ZNF862: variants seen among roughly 807,000 people sequenced by gnomAD.
ZNF862 encodes the protein zinc finger protein 862.
A neutral mutation model predicts 91.1 loss-of-function variants in ZNF862; 64 were observed. That is an observed-to-expected ratio of 0.70 (90% confidence interval 0.57 to 0.87). ZNF862 has a LOEUF of 0.87. Ranked by LOEUF, ZNF862 falls within the 40% of genes least tolerant of loss-of-function variation. ZNF862 has a pLI of 0.00. For missense variants in ZNF862, 1,459 were observed against 1,528.0 expected (o/e 0.95, Z 0.75); for synonymous variants, 631 against 618.1 (o/e 1.02, Z -0.31).
chr7:149,859,579 T>G, intron 6 of ZNF862, 53 bp downstream of exon 6: 6 of 1,423,292 alleles, frequency 4.2e-6, no homozygotes, highest in Non-Finnish European at 5.7e-6. Context: ...CCCAGGCGGC[T>G]ATGATGAGTC....
At position 149,864,123 on chromosome 7, in the gene ZNF862, A is replaced by G. The variant is rs1178046726; in HGVS notation, c.3349A>G (p.Lys1117Glu). 6 of 1,584,836 alleles carry G rather than the reference A, an allele frequency of 3.8e-6. No homozygotes were observed. The South Asian group carries it at 5.8e-5, about 15-fold the overall frequency. Reference protein sequence around the residue: ...ARSPASARLRKEEMGALYVEE... With the variant: ...ARSPASARLREEEMGALYVEE... ...CTCCCTCACAGGCGCCAGGCTCAGG[A>G]AGGAGGAGATGGGAGCCCTCTATGT... Residue 1117 changes from lysine (K) to glutamate (E), a missense_variant, in exon 8 of 8, where the codon AAG becomes GAG. Lys to Glu is a moderately conservative substitution (Grantham distance 56). Transcript: ENST00000223210.
At chr7:149,848,472 G>A (rs1241981040) in intron 4 of ZNF862, 40 bp downstream of exon 4, 3 of 1,413,650 alleles carry the variant, frequency 2.1e-6, no homozygotes, top group Non-Finnish European at 2.8e-6. Context: ...TACAGAGAAG[G>A]ATTCTATACT....
chr7:149,849,330 C>A (rs1801983835), intron 4 of ZNF862, among the ~76,000 whole-genome samples: 1 of 152,164 alleles, frequency 6.6e-6, no homozygotes, highest in African/African-American at 2.4e-5. Flanking sequence ...GAGCTGCCAG[C>A]CCATGCTTTC....
rs529657211 is a variant in ZNF862, at chr7:149,850,347, G to A, written c.1117+9G>A. ...GCTGTTGGCATCCTTGGGTAAAGACGCACCGAGCCTCTTATTCACCACCCT... is the reference window on the plus strand; with the variant it reads ...GCTGTTGGCATCCTTGGGTAAAGACACACCGAGCCTCTTATTCACCACCCT... On this transcript the variant is annotated intron_variant, in intron 5 of 7. Transcript: ENST00000223210. The surrounding 1 kb of genome is among the most constrained non-coding windows in gnomAD (Gnocchi z 4.2). 3 of 1,602,958 alleles carry A rather than the reference G, an allele frequency of 1.9e-6. No individual in the cohort carries two copies. Among genetic ancestry groups the A allele is most frequent in the African/African-American group, 1.3e-5 (1 of 74,900 alleles).
chr7:149,853,670 G>T (rs1292573193), intron 5 of ZNF862, among the ~76,000 whole-genome samples: 1 of 152,172 alleles, frequency 6.6e-6, no homozygotes, highest in Non-Finnish European at 1.5e-5. Flanking sequence ...GGGTGCGGTG[G>T]CTCACGCCTG....
At chr7:149,863,518 C>A (rs1458051105) in intron 7 of ZNF862, among the ~76,000 whole-genome samples, 1 of 152,150 alleles carries the variant, frequency 6.6e-6, no homozygotes, top group Admixed American at 6.5e-5. Context: ...AAAAGAGACC[C>A]CTCACTGATA....
At position 149,849,290 on chromosome 7, in the gene ZNF862, T is replaced by C. The variant is rs1191394294; in HGVS notation, c.939+858T>C. Among the ~76,000 whole-genome samples, 3 of 152,164 alleles carry C rather than the reference T, an allele frequency of 2.0e-5. No individual in the cohort carries two copies. In the East Asian group the frequency reaches 5.8e-4, roughly 29 times the overall value. On this transcript the variant is annotated intron_variant, in intron 4 of 7. Coordinates refer to ENST00000223210, the MANE Select transcript of ZNF862 (RefSeq NM_001099220.3). ...CATGTCCAGGGTCCTAGAGCTCTTG[T>C]AGTCAGTGCCAGAATCTGCCCAGAG...
In ZNF862 at chr7:149,845,073, C is replaced by G. The variant is rs1042226652; in HGVS notation, c.136+337C>G. The G allele has an allele frequency of 3.2e-5, 8 of 251,642 alleles. No individual in the cohort carries two copies. The East Asian group carries it at 9.2e-4, about 29-fold the overall frequency. 15.6% of individuals were successfully genotyped at this position (251,642 alleles called of 1,614,324 possible). ...GTGGATCTGTGGAGCCCGTAGGACA[C>G]TGGAGGTAGGAAGCAGTGGTGGCAA... is the stretch of plus-strand genomic sequence containing the variant. On this transcript the variant is annotated intron_variant, in intron 2 of 7. Coordinates refer to ENST00000223210, the MANE Select transcript of ZNF862 (RefSeq NM_001099220.3).
At chr7:149,856,916 T>G (rs1228146192) in intron 5 of ZNF862, among the ~76,000 whole-genome samples, 1 of 152,246 alleles carries the variant, frequency 6.6e-6, no homozygotes, top group Non-Finnish European at 1.5e-5. Context: ...TTTGGGCATA[T>G]AGGATTCTAG....
Position 149,848,384 on chromosome 7 carries a change from C to T in ZNF862, c.891C>T (p.Ser297=). The change falls in exon 4 of 8, where the codon TCC becomes TCT. Residue 297 remains serine, a synonymous_variant. Coordinates refer to ENST00000223210, the MANE Select transcript of ZNF862 (RefSeq NM_001099220.3). ...QKEITDGIHS[S]SDINILYNDA... is the part of the protein sequence containing the mutation. ...AAATCACTGATGGCATCCACAGCTC[C>T]TCAGACATTAATATTTTATATAATG... The T allele has an allele frequency of 6.3e-7, 1 of 1,594,604 alleles. No homozygotes were observed. The highest frequency in any genetic ancestry group is 8.5e-7 in the Non-Finnish European group (1 of 1,170,174).
At position 149,846,070 on chromosome 7, in the gene ZNF862, C is replaced by G. The variant is rs967602741; in HGVS notation, c.137-81C>G. 3 of 976,724 alleles carry G rather than the reference C, an allele frequency of 3.1e-6. No homozygotes were observed. The East Asian group carries it at 7.8e-5, about 25-fold the overall frequency. 60.5% of individuals were successfully genotyped at this position (976,724 alleles called of 1,614,324 possible). A position where few individuals can be genotyped will look rare whatever the true frequency, so the allele number is the denominator to read the frequency against. On this transcript the variant is annotated intron_variant, in intron 2 of 7. Coordinates refer to ENST00000223210, the MANE Select transcript of ZNF862 (RefSeq NM_001099220.3). ...GCCGAGAGATGTCGCAGACAGATACCTCCTTCGTGTTGTGACCCGGAGCCA... is the reference window on the plus strand; with the variant it reads ...GCCGAGAGATGTCGCAGACAGATACGTCCTTCGTGTTGTGACCCGGAGCCA...
chr7:149,866,375 A>G lies in ZNF862; in HGVS notation c.*2091A>G, dbSNP rs1396386272. 6.6e-6 allele frequency: 1 copy of G among 152,226 alleles called. No individual in the cohort carries two copies. Among genetic ancestry groups the G allele is most frequent in the East Asian group, 1.9e-4 (1 of 5,194 alleles). The allele number at this position is 152,226 out of a possible 1,614,324, so 9.4% of individuals were successfully genotyped here. On this transcript the variant is annotated 3_prime_UTR_variant, in exon 8 of 8. Transcript: ENST00000223210. ...TGTGAACTCGTGGAAAGGGAGGGAG[A>G]AAGGCTTTTTTAGGTGGGGCTATAG...
intron 5 of ZNF862, among the ~76,000 whole-genome samples, chr7:149,854,305 AAGAC>A (rs1265547629): frequency 6.6e-6 from 1 of 152,210 alleles, no homozygotes; most frequent in Non-Finnish European, 1.5e-5. Context: ...GATCAAAAAA[AAGAC>A]AGAGAAAGGC....
intron 5 of ZNF862, among the ~76,000 whole-genome samples, chr7:149,853,818 G>A (rs1487654530): frequency 6.6e-6 from 1 of 151,646 alleles, no homozygotes; most frequent in Non-Finnish European, 1.5e-5. Flanking sequence ...CACACCCTTA[G>A]TTCCAGCTAC....
rs530929850 is a variant in ZNF862 at position 149,863,069 on chromosome 7, C to T, written c.3334+575C>T. ...GATGGTGGGGCTTTCAGGCAGAAAT[C>T]TCACGGGGCAGGGGAGAACAGAAAC... On this transcript the variant is annotated intron_variant, in intron 7 of 7. Coordinates refer to ENST00000223210, the MANE Select transcript of ZNF862 (RefSeq NM_001099220.3). 4.8e-3 allele frequency among the ~76,000 whole-genome samples: 725 copies of T among 152,260 alleles called. 5 individuals carry two copies. Among genetic ancestry groups the T allele is most frequent in the African/African-American group, 0.016 (683 of 41,540 alleles).
In ZNF862 at chr7:149,866,546, G is replaced by T. The variant is rs1802733764; in HGVS notation, c.*2262G>T. 1 of 152,164 alleles carries T rather than the reference G, an allele frequency of 6.6e-6. No individual in the cohort carries two copies. 9.4% of individuals were successfully genotyped at this position (152,164 alleles called of 1,614,324 possible). Reference sequence around the variant, plus strand: ...GTGGGTCTCTGTGGGAGTAGTTCTGGAGCTGAGGTGGAAGCTAGGGGAAGC... The same window carrying T: ...GTGGGTCTCTGTGGGAGTAGTTCTGTAGCTGAGGTGGAAGCTAGGGGAAGC... On this transcript the variant is annotated 3_prime_UTR_variant, in exon 8 of 8. Coordinates refer to ENST00000223210, the MANE Select transcript of ZNF862 (RefSeq NM_001099220.3).
Position 149,867,171 on chromosome 7 carries a change from A to G in ZNF862, c.*2887A>G, listed in dbSNP as rs1802762266. ...AACTGGTAGTTTGATCCCAATAGCC[A>G]TAGCGACTCCAGGTGGGAGTGAGGG... On this transcript the variant is annotated 3_prime_UTR_variant, in exon 8 of 8. Coordinates refer to ENST00000223210, the MANE Select transcript of ZNF862 (RefSeq NM_001099220.3). 1 of 152,246 alleles carries G rather than the reference A, an allele frequency of 6.6e-6. No homozygotes were observed. The highest frequency in any genetic ancestry group is 1.5e-5 in the Non-Finnish European group (1 of 68,068). 9.4% of individuals were successfully genotyped at this position (152,246 alleles called of 1,614,324 possible). A position where few individuals can be genotyped will look rare whatever the true frequency, so the allele number is the denominator to read the frequency against.
intron 6 of ZNF862, chr7:149,859,776 T>C: frequency 2.1e-6 from 1 of 472,260 alleles, no homozygotes; most frequent in Non-Finnish European, 3.8e-6. Context: ...GTGGCAGAGC[T>C]GGTGGGAGCA....
chr7:149,859,588 T>C (rs1181984028), intron 6 of ZNF862, 62 bp downstream of exon 6: 1 of 1,333,882 alleles, frequency 7.5e-7, no homozygotes, highest in African/African-American at 1.5e-5. Context: ...CTATGATGAG[T>C]CAAACAGCAT....
Sources: allele counts gnomAD v4.1 joint callset (sites outside exome capture counted in the v4.1 genomes callset), GRCh38; gene constraint gnomAD v4.1.1; non-coding constraint Gnocchi (gnomAD v3.1); transcripts MANE v1.5; gene names NCBI Gene and HGNC (gene_info 2026-07-23, HGNC 2026-07-21).